Variants in ACTR3C observed in about 807,000 individuals in gnomAD.
ACTR3C encodes actin related protein 3C.
In ACTR3C, 18 loss-of-function variants were observed where a neutral mutation model predicts 26.3. The ratio of observed to expected loss-of-function variants is 0.68; its 90% CI spans 0.47 to 1.01. The LOEUF is 1.01. Among genes scored for constraint, ACTR3C ranks in the 50% least tolerant of loss-of-function variants. The pLI is 0.00. For missense variants in ACTR3C, 184 were observed against 250.7 expected, an observed-to-expected ratio of 0.73 and a Z score of 1.80; for synonymous variants, 55 against 94.5, an observed-to-expected ratio of 0.58 and a Z score of 2.42.
intron 6 of ACTR3C, among the ~76,000 whole-genome samples, chr7:150,282,808 C>T (rs1021097275): frequency 9.8e-4 from 138 of 141,044 alleles, no homozygotes; most frequent in Non-Finnish European, 1.7e-3. Flanking sequence ...CCCGAGAGGT[C>T]GAGGCTGCAG....
intron 1 of ACTR3C, among the ~76,000 whole-genome samples, chr7:150,314,885 G>A (rs893383053): frequency 1.3e-5 from 2 of 149,616 alleles, no homozygotes; most frequent in East Asian, 3.9e-4. Context: ...CCCGGAGGTC[G>A]AGGCTGCAGT....
At chr7:150,201,001 C>T in the ACTR3C span, among the ~76,000 whole-genome samples, 1 of 152,208 alleles carries the variant, frequency 6.6e-6, no homozygotes, top group Non-Finnish European at 1.5e-5. Flanking sequence ...TAAACTCTAT[C>T]TTCATATTGT....
intron 6 of ACTR3C, among the ~76,000 whole-genome samples, chr7:150,276,524 T>C (rs1834898748): frequency 6.6e-6 from 1 of 152,194 alleles, no homozygotes. Context: ...TCTGAACAAA[T>C]CTATGTCTAA....
At chr7:149,958,955 A>T in the ACTR3C span, among the ~76,000 whole-genome samples, 3 of 152,296 alleles carry the variant, frequency 2.0e-5, no homozygotes, top group East Asian at 1.9e-4. Flanking sequence ...CCAGAACATC[A>T]GTGTATTCTT....
chr7:150,006,366 T>C, the ACTR3C span, among the ~76,000 whole-genome samples: 1 of 149,130 alleles, frequency 6.7e-6, no homozygotes, highest in Non-Finnish European at 1.5e-5. Context: ...CTGGCTAATT[T>C]TTTTGTATTT....
At chr7:149,981,330 C>G in the ACTR3C span, among the ~76,000 whole-genome samples, 24 of 152,000 alleles carry the variant, frequency 1.6e-4, no homozygotes, top group African/African-American at 5.8e-4. Context: ...AGCCAATCTG[C>G]ACTGGGCTTT....
the ACTR3C span, among the ~76,000 whole-genome samples, chr7:149,956,410 G>C: frequency 6.0e-5 from 9 of 150,924 alleles, no homozygotes; most frequent in Admixed American, 5.9e-4. Context: ...TATAAAAAAA[G>C]TAAATAAACA....
chr7:149,934,658 G>C, the ACTR3C span, among the ~76,000 whole-genome samples: 2 of 150,194 alleles, frequency 1.3e-5, no homozygotes, highest in African/African-American at 4.9e-5. Context: ...GTGAATCTCA[G>C]TTCTAGACCA....
the ACTR3C span, among the ~76,000 whole-genome samples, chr7:149,911,880 G>A: frequency 7.9e-5 from 12 of 152,062 alleles, no homozygotes; most frequent in East Asian, 1.4e-3. Context: ...CTATCTGTAT[G>A]TCAGTTACTG....
chr7:150,049,082 C>G, the ACTR3C span, among the ~76,000 whole-genome samples: 1 of 152,052 alleles, frequency 6.6e-6, no homozygotes, highest in Non-Finnish European at 1.5e-5. Context: ...GACATGGCTC[C>G]ACTCGCCGCG....
the ACTR3C span, among the ~76,000 whole-genome samples, chr7:150,233,438 T>C: frequency 6.7e-6 from 1 of 149,764 alleles, no homozygotes; most frequent in Non-Finnish European, 1.5e-5. Context: ...TGTGATTTGC[T>C]GTGGTTAATT....
chr7:149,896,105 G>A, the ACTR3C span, among the ~76,000 whole-genome samples: 10 of 151,592 alleles, frequency 6.6e-5, no homozygotes, highest in African/African-American at 2.4e-4. Flanking sequence ...TGAGACAAGG[G>A]GATTGGGAAA....
the ACTR3C span, among the ~76,000 whole-genome samples, chr7:150,100,122 T>A: frequency 1.3e-5 from 2 of 151,614 alleles, no homozygotes; most frequent in Non-Finnish European, 2.9e-5. Flanking sequence ...GCCTGGCTGG[T>A]GCCAACTTGC....
the ACTR3C span, among the ~76,000 whole-genome samples, chr7:149,908,062 A>T: frequency 1.3e-5 from 2 of 151,734 alleles, no homozygotes; most frequent in Non-Finnish European, 2.9e-5. Flanking sequence ...CATCAATAAG[A>T]GTGGTGGCCT....
intron 1 of ACTR3C, among the ~76,000 whole-genome samples, chr7:150,320,594 C>T (rs1274257650): frequency 6.6e-6 from 1 of 152,198 alleles, no homozygotes; most frequent in Non-Finnish European, 1.5e-5. Flanking sequence ...AAAACCCCGT[C>T]TCTACTAAAA....
At chr7:150,158,497 G>T in the ACTR3C span, among the ~76,000 whole-genome samples, 1 of 151,992 alleles carries the variant, frequency 6.6e-6, no homozygotes. Context: ...CAAATGAAAT[G>T]TTATTCAGCT....
chr7:149,947,340 C>A, the ACTR3C span, among the ~76,000 whole-genome samples: 1 of 101,038 alleles, frequency 9.9e-6, no homozygotes. Context: ...CGGTGGGGAG[C>A]CCCCCAAGAA....
At chr7:149,894,959 C>G in the ACTR3C span, among the ~76,000 whole-genome samples, 1 of 151,834 alleles carries the variant, frequency 6.6e-6, no homozygotes, top group East Asian at 1.9e-4. Context: ...TAGCACTATT[C>G]ACAATAACCA....
At chr7:150,175,670 G>T in the ACTR3C span, among the ~76,000 whole-genome samples, 1 of 148,572 alleles carries the variant, frequency 6.7e-6, no homozygotes, top group Admixed American at 6.6e-5. Flanking sequence ...AAATTAGCTG[G>T]ATGTGGTGGT....
Sources: gnomAD v4.1 joint callset for allele counts (sites outside exome capture counted in the v4.1 genomes callset) on GRCh38, gnomAD v4.1.1 for gene constraint, MANE v1.5 for transcripts, NCBI Gene and HGNC (gene_info 2026-07-23, HGNC 2026-07-21) for gene names.